Variants in PLCXD3 observed in about 807,000 individuals in gnomAD.
PLCXD3 encodes PI-PLC X domain-containing protein 3.
In PLCXD3, 19 loss-of-function variants were observed where a neutral mutation model predicts 25.5. That is an observed-to-expected ratio of 0.75 (90% CI 0.52 to 1.09). The LOEUF (loss-of-function observed/expected upper bound fraction) is 1.09, where lower values mean the gene tolerates loss of function less well. PLCXD3 is among the 50% of genes least tolerant of loss of function. The pLI is 0.00. For synonymous variants in PLCXD3, 174 were observed against 137.6 expected (o/e 1.26, Z -1.85); for missense variants, 411 against 388.1 (o/e 1.06, Z -0.50).
At chr5:41,447,366 A>T (rs1354210186) in intron 1 of PLCXD3, among the ~76,000 whole-genome samples, 1 of 152,234 alleles carries the variant, frequency 6.6e-6, no homozygotes, top group Non-Finnish European at 1.5e-5. Flanking sequence ...ATATTTAAGG[A>T]GCTGAGACCA....
At chr5:41,361,113 C>T (rs2150485036) in intron 2 of PLCXD3, among the ~76,000 whole-genome samples, 1 of 145,946 alleles carries the variant, frequency 6.9e-6, no homozygotes. Flanking sequence ...GGATCTCAGG[C>T]CAATGAGGTT....
chr5:41,481,691 GA>G (rs1454305692), intron 1 of PLCXD3, among the ~76,000 whole-genome samples: 10 of 152,204 alleles, frequency 6.6e-5, no homozygotes, highest in East Asian at 5.8e-4. Flanking sequence ...CACCACACCT[GA>G]AAGAAAACTG....
At chr5:41,446,172 TTC>T (rs1747494128) in intron 1 of PLCXD3, among the ~76,000 whole-genome samples, 1 of 18,398 alleles carries the variant, frequency 5.4e-5, no homozygotes, top group East Asian at 2.2e-3. Context: ...GCCAGACTCC[TTC>T]TCAAAAAAAA....
chr5:41,454,573 A>G (rs1747710096), intron 1 of PLCXD3, among the ~76,000 whole-genome samples: 2 of 152,010 alleles, frequency 1.3e-5, no homozygotes, highest in African/African-American at 4.8e-5. Context: ...ATGAGTTTTA[A>G]CGTGAACTTT....
chr5:41,358,740 C>A lies in PLCXD3; in HGVS notation c.812+23086G>T, dbSNP rs540825299. On this transcript the variant is annotated intron_variant, in intron 2 of 2. Coordinates refer to ENST00000377801, the MANE Select transcript of PLCXD3 (RefSeq NM_001005473.3). ...TCTTGTCTGATTGCTCTGGCTAGGA[C>A]TTTCAGTACTACGCTGAATGGAAGT... 2.0e-5 allele frequency among the ~76,000 whole-genome samples: 3 copies of A among 152,252 alleles called. No homozygotes were observed. The South Asian group carries it at 6.2e-4, about 32-fold the overall frequency.
At chr5:41,418,625 C>T (rs1036175112) in intron 1 of PLCXD3, among the ~76,000 whole-genome samples, 3 of 152,260 alleles carry the variant, frequency 2.0e-5, no homozygotes, top group Non-Finnish European at 2.9e-5. Flanking sequence ...AGTTGCAAGT[C>T]TTCCAGTTTA....
intron 1 of PLCXD3, among the ~76,000 whole-genome samples, chr5:41,385,167 G>A (rs891995289): frequency 1.3e-5 from 2 of 152,000 alleles, no homozygotes; most frequent in African/African-American, 4.8e-5. Flanking sequence ...TTCAATAATT[G>A]AGAGGAAAAG....
intron 1 of PLCXD3, among the ~76,000 whole-genome samples, chr5:41,469,441 A>G (rs1336814813): frequency 6.7e-6 from 1 of 150,332 alleles, no homozygotes; most frequent in Non-Finnish European, 1.5e-5. Flanking sequence ...ATTTAATATT[A>G]GTTCTTCTTT....
chr5:41,407,326 A>G (rs909268118), intron 1 of PLCXD3, among the ~76,000 whole-genome samples: 1 of 152,172 alleles, frequency 6.6e-6, no homozygotes. Context: ...ATCTCAAAAT[A>G]CTTCTACTTG....
chr5:41,492,142 T>C (rs1748714024), intron 1 of PLCXD3, among the ~76,000 whole-genome samples: 1 of 152,228 alleles, frequency 6.6e-6, no homozygotes, highest in African/African-American at 2.4e-5. Context: ...GGTGACAAAA[T>C]CTCTCAGCAT....
chr5:41,366,169 A>T (rs1044562657), intron 2 of PLCXD3, among the ~76,000 whole-genome samples: 3 of 151,568 alleles, frequency 2.0e-5, no homozygotes, highest in African/African-American at 7.3e-5. Context: ...TTCAATTCCC[A>T]CCTGAGTGAG....
chr5:41,472,309 A>T (rs1748183850), intron 1 of PLCXD3, among the ~76,000 whole-genome samples: 1 of 152,126 alleles, frequency 6.6e-6, no homozygotes, highest in African/African-American at 2.4e-5. Flanking sequence ...GCTACATCTG[A>T]TCTGCCTTGA....
At chr5:41,479,651 A>G (rs1041965870) in intron 1 of PLCXD3, among the ~76,000 whole-genome samples, 12 of 152,150 alleles carry the variant, frequency 7.9e-5, no homozygotes, top group African/African-American at 2.7e-4. Context: ...CAATATGCTA[A>G]TAATAATTTT....
At chr5:41,390,052 A>C (rs1340158924) in intron 1 of PLCXD3, among the ~76,000 whole-genome samples, 3 of 151,984 alleles carry the variant, frequency 2.0e-5, no homozygotes, top group African/African-American at 7.2e-5. Context: ...GCTATATATC[A>C]CTCTAAGTTA....
chr5:41,492,013 C>T (rs1748709811), intron 1 of PLCXD3, among the ~76,000 whole-genome samples: 1 of 152,238 alleles, frequency 6.6e-6, no homozygotes, highest in South Asian at 2.1e-4. Context: ...TTAGTTGATG[C>T]ACTTTCTTCC....
chr5:41,424,156 T>C (rs1168845422), intron 1 of PLCXD3, among the ~76,000 whole-genome samples: 1 of 152,130 alleles, frequency 6.6e-6, no homozygotes, highest in African/African-American at 2.4e-5. Context: ...AGCCAATATA[T>C]GGGTTTAATT....
chr5:41,490,100 A>C (rs963014002), intron 1 of PLCXD3, among the ~76,000 whole-genome samples: 3 of 152,130 alleles, frequency 2.0e-5, no homozygotes, highest in Non-Finnish European at 4.4e-5. Flanking sequence ...TTATCTTGAG[A>C]TATGTCCCAT....
chr5:41,418,688 T>C (rs891138340), intron 1 of PLCXD3, among the ~76,000 whole-genome samples: 2 of 152,166 alleles, frequency 1.3e-5, no homozygotes, highest in Admixed American at 6.5e-5. Context: ...CCCTCTCTTC[T>C]TCCTGCCACA....
chr5:41,413,061 T>C (rs1298344841), intron 1 of PLCXD3, among the ~76,000 whole-genome samples: 2 of 152,200 alleles, frequency 1.3e-5, no homozygotes, highest in East Asian at 1.9e-4. Context: ...CAAAGAATAA[T>C]AATAAACTCT....
Sources: allele counts gnomAD v4.1 joint callset (sites outside exome capture counted in the v4.1 genomes callset), GRCh38; gene constraint gnomAD v4.1.1; transcripts MANE v1.5; gene names NCBI Gene and HGNC (gene_info 2026-07-23, HGNC 2026-07-21).